Variants in CCDC148 observed in about 807,000 individuals in gnomAD.
CCDC148 encodes the protein coiled-coil domain containing 148, also known as coiled-coil domain-containing protein 148.
CCDC148 carries 89 observed loss-of-function variants against 85.7 expected under a neutral mutation model. The observed-to-expected ratio is 1.04, with a 90% CI of 0.87 to 1.24. The LOEUF is 1.24. CCDC148 is among the 50% of genes most tolerant of loss of function. CCDC148 has a pLI of 0.00. For missense variants in CCDC148, 692 were observed against 671.7 expected, an observed-to-expected ratio of 1.03 and a Z score of -0.33; for synonymous variants, 230 against 213.9, an observed-to-expected ratio of 1.08 and a Z score of -0.66.
At position 158,297,133 on chromosome 2, in the gene CCDC148, A is replaced by C. The variant is rs143776165; in HGVS notation, c.1110+12300T>G. 3.5e-3 allele frequency among the ~76,000 whole-genome samples: 539 copies of C among 152,276 alleles called. 4 individuals carry two copies. The highest frequency in any genetic ancestry group is 0.012 in the African/African-American group (516 of 41,558). ...AAAATACTCATGAACAACTGCCTTA[A>C]ATTGGCAGAAACTATTGAATCCTTG... is the stretch of plus-strand genomic sequence containing the variant. On this transcript the variant is annotated intron_variant, in intron 9 of 13. Transcript: ENST00000283233.
At chr2:158,454,917 T>C (rs766562453) in intron 1 of CCDC148, among the ~76,000 whole-genome samples, 2 of 152,186 alleles carry the variant, frequency 1.3e-5, no homozygotes. Flanking sequence ...ATTTTAATTA[T>C]GACAAACACG....
At position 158,374,339 on chromosome 2, in the gene CCDC148, T is replaced by C. The variant is rs987439663; in HGVS notation, c.26-15769A>G. On this transcript the variant is annotated intron_variant, in intron 1 of 13. Coordinates refer to ENST00000283233, the MANE Select transcript of CCDC148 (RefSeq NM_138803.4). ...TAATCTAAGGATATCTATGCTATCT[T>C]ACTTCTCCAAGAGCTTGGGGTTAAG... 6.6e-5 allele frequency among the ~76,000 whole-genome samples: 10 copies of C among 152,042 alleles called. No homozygotes were observed. The East Asian group carries it at 1.7e-3, about 26-fold the overall frequency.
intron 1 of CCDC148, among the ~76,000 whole-genome samples, chr2:158,431,217 G>GATTGAAGAAT (rs1280942253): frequency 6.6e-6 from 1 of 151,780 alleles, no homozygotes; most frequent in East Asian, 1.9e-4. Flanking sequence ...TAAAATCACA[G>GATTGAAGAAT]ATTGAAGAAT....
At chr2:158,293,835 A>G (rs1303788102) in intron 9 of CCDC148, among the ~76,000 whole-genome samples, 3 of 152,208 alleles carry the variant, frequency 2.0e-5, no homozygotes, top group Admixed American at 6.5e-5. Flanking sequence ...GCTGGGCATC[A>G]ACTACCTAAA....
intron 9 of CCDC148, among the ~76,000 whole-genome samples, chr2:158,267,613 T>C (rs182380404): frequency 4.3e-4 from 66 of 152,332 alleles, no homozygotes; most frequent in Non-Finnish European, 7.2e-4. Flanking sequence ...AACTATGTCA[T>C]TTTAACAATA....
intron 13 of CCDC148, among the ~76,000 whole-genome samples, chr2:158,175,198 C>T (rs991232889): frequency 1.3e-5 from 2 of 151,984 alleles, no homozygotes; most frequent in Non-Finnish European, 2.9e-5. Flanking sequence ...GTTAGCCCAG[C>T]GGCCTGAGAC....
chr2:158,254,756 A>G (rs1688942693), intron 9 of CCDC148, among the ~76,000 whole-genome samples: 1 of 151,538 alleles, frequency 6.6e-6, no homozygotes, highest in Admixed American at 6.6e-5. Flanking sequence ...TTGATTTAAA[A>G]CTAAGGGGAA....
chr2:158,276,612 T>A (rs184525914), intron 9 of CCDC148, among the ~76,000 whole-genome samples: 1 of 149,284 alleles, frequency 6.7e-6, no homozygotes, highest in Non-Finnish European at 1.5e-5. Context: ...CTCATTATAC[T>A]CGTGAGCTGC....
intron 7 of CCDC148, among the ~76,000 whole-genome samples, chr2:158,318,616 A>T (rs1325373273): frequency 2.0e-5 from 3 of 146,932 alleles, no homozygotes; most frequent in Admixed American, 6.8e-5. Flanking sequence ...TAGAAAGCTC[A>T]TTTTTTTTTT....
At chr2:158,248,787 A>G (rs569000776) in intron 10 of CCDC148, among the ~76,000 whole-genome samples, 1 of 152,242 alleles carries the variant, frequency 6.6e-6, no homozygotes, top group East Asian at 1.9e-4. Context: ...CACACAACTA[A>G]TGATACTGAA....
At chr2:158,294,002 C>CTCCT (rs1185894027) in intron 9 of CCDC148, among the ~76,000 whole-genome samples, 227 of 15,162 alleles carry the variant, frequency 0.015, 8 homozygotes, top group Non-Finnish European at 0.017. Flanking sequence ...CCCTCCCTCC[C>CTCCT]TCCTTCCTTC....
chr2:158,421,137 T>C (rs1211524486), intron 1 of CCDC148, among the ~76,000 whole-genome samples: 5 of 151,896 alleles, frequency 3.3e-5, no homozygotes, highest in Non-Finnish European at 5.9e-5. Context: ...ACAATAATAA[T>C]GGGAGACTTT....
intron 8 of CCDC148, 62 bp from the exon 9 acceptor site, chr2:158,309,701 T>C (rs557230393): frequency 1.4e-5 from 16 of 1,149,714 alleles, no homozygotes; most frequent in African/African-American, 1.3e-4. Flanking sequence ...TTTTGCATCA[T>C]TGTTACAAAA....
At chr2:158,414,361 C>T (rs762167267) in intron 1 of CCDC148, among the ~76,000 whole-genome samples, 22 of 152,296 alleles carry the variant, frequency 1.4e-4, no homozygotes, top group South Asian at 6.2e-4. Flanking sequence ...TAGGATTCTT[C>T]TGCAGCTTGT....
At chr2:158,301,820 T>C (rs1362147980) in intron 9 of CCDC148, among the ~76,000 whole-genome samples, 4 of 152,114 alleles carry the variant, frequency 2.6e-5, no homozygotes, top group African/African-American at 9.7e-5. Context: ...CGGTGGTCAC[T>C]GGAGACCTTA....
At chr2:158,325,180 CACA>C in intron 7 of CCDC148, among the ~76,000 whole-genome samples, 1 of 152,008 alleles carries the variant, frequency 6.6e-6, no homozygotes, top group South Asian at 2.1e-4. Flanking sequence ...GTTATCTGTA[CACA>C]TCATCTTCAA....
At position 158,363,184 on chromosome 2, in the gene CCDC148, C is replaced by A. The variant is rs144650632; in HGVS notation, c.26-4614G>T. ...ATTGAGGCAGTAATAGCCTATCAAC[C>A]AAAAAAAAGTCCAGGACCAGATGGC... is the stretch of plus-strand genomic sequence containing the variant. On this transcript the variant is annotated intron_variant, in intron 1 of 13. Coordinates refer to ENST00000283233, the MANE Select transcript of CCDC148 (RefSeq NM_138803.4). Among the ~76,000 whole-genome samples the A allele has an allele frequency of 1.1e-4, 17 of 151,882 alleles. No homozygotes were observed. The East Asian group carries it at 2.9e-3, about 26-fold the overall frequency.
intron 1 of CCDC148, among the ~76,000 whole-genome samples, chr2:158,368,518 G>C (rs955355252): frequency 1.3e-5 from 2 of 152,074 alleles, no homozygotes; most frequent in Non-Finnish European, 2.9e-5. Context: ...AGAACAGTTA[G>C]TTTTATAAAT....
chr2:158,215,709 A>G (rs1464388425), intron 11 of CCDC148, among the ~76,000 whole-genome samples: 1 of 152,198 alleles, frequency 6.6e-6, no homozygotes, highest in African/African-American at 2.4e-5. Flanking sequence ...AGTAGTGAAT[A>G]GTCGATTTGT....
Sources: gnomAD v4.1 joint callset for allele counts (sites outside exome capture counted in the v4.1 genomes callset) on GRCh38, gnomAD v4.1.1 for gene constraint, MANE v1.5 for transcripts, NCBI Gene and HGNC (gene_info 2026-07-23, HGNC 2026-07-21) for gene names.